UACA: variants seen among roughly 807,000 people sequenced by gnomAD.
UACA encodes the protein nuclear membrane binding protein.
In UACA, 112 loss-of-function variants were observed where a neutral mutation model predicts 160.5. That is an observed-to-expected ratio of 0.70 (90% CI 0.60 to 0.82). UACA has a LOEUF of 0.82. Ranked by LOEUF, UACA falls within the 40% of genes least tolerant of loss-of-function variation. UACA has a pLI of 0.00. For synonymous variants in UACA, 557 were observed against 568.4 expected (o/e 0.98, Z 0.29); for missense variants, 1,574 against 1,614.6 (o/e 0.97, Z 0.43).
At chr15:70,710,029 T>G (rs1898635813) in intron 1 of UACA, among the ~76,000 whole-genome samples, 1 of 152,082 alleles carries the variant, frequency 6.6e-6, no homozygotes, top group Non-Finnish European at 1.5e-5. Flanking sequence ...ACCCCAGCAC[T>G]TTGGGATCAC....
chr15:70,663,665 T>C (rs1896798789), intron 17 of UACA, among the ~76,000 whole-genome samples: 1 of 152,040 alleles, frequency 6.6e-6, no homozygotes, highest in Non-Finnish European at 1.5e-5. Flanking sequence ...GTGGCACATA[T>C]ACACCATGGA....
intron 1 of UACA, among the ~76,000 whole-genome samples, chr15:70,706,306 C>G (rs964244595): frequency 6.6e-6 from 1 of 151,668 alleles, no homozygotes; most frequent in Non-Finnish European, 1.5e-5. Flanking sequence ...TATGAAAAGC[C>G]CACTGCTAAC....
intron 1 of UACA, among the ~76,000 whole-genome samples, chr15:70,722,705 C>T (rs1341874179): frequency 1.3e-5 from 2 of 152,150 alleles, no homozygotes; most frequent in Non-Finnish European, 2.9e-5. Flanking sequence ...ACATACTATA[C>T]ACATATTCCA....
Position 70,763,473 on chromosome 15 carries a change from G to C in UACA, c.-66C>G, listed in dbSNP as rs1229531038. ...GCGGAGTGCCAGCGCGCAAGGAGTA[G>C]ACGGCAGCGGCTGCAGCAGAGGCGG... On this transcript the variant is annotated 5_prime_UTR_variant, in exon 1 of 19. Transcript: ENST00000322954. The C allele has an allele frequency of 7.9e-7, 1 of 1,265,742 alleles. No individual in the cohort carries two copies. Among genetic ancestry groups the C allele is most frequent in the African/African-American group, 1.5e-5 (1 of 64,594 alleles). 78.4% of individuals were successfully genotyped at this position (1,265,742 alleles called of 1,614,324 possible).
chr15:70,749,698 C>CAAAAAAAAAAAAAAAA (rs11292883), intron 1 of UACA, among the ~76,000 whole-genome samples: 3 of 70,046 alleles, frequency 4.3e-5, no homozygotes, highest in African/African-American at 1.6e-4. Context: ...GACTCCGTCT[C>CAAAAAAAAAAAAAAAA]AAAAAAAAAA....
At chr15:70,767,239 C>CAAAAAAAAAAAAAA (rs747903027), upstream of UACA, among the ~76,000 whole-genome samples, 1 of 46,528 alleles carries the variant, frequency 2.1e-5, no homozygotes, top group African/African-American at 9.7e-5. Flanking sequence ...GACTCCATCT[C>CAAAAAAAAAAAAAA]AAAAAAAAAA....
rs779348840 is a variant in UACA, at chr15:70,668,242, T to C, written c.2442A>G (p.Ile814Met). Residue 814 changes from isoleucine to methionine, a missense_variant, in exon 16 of 19, where the codon ATA becomes ATG. Coordinates refer to ENST00000322954, the MANE Select transcript of UACA (RefSeq NM_018003.4). ...GTTCAACAATATTGGATTTCAGAGCTATTATCTCTTTTTCATGTTTCTCAG... is the reference window on the plus strand; with the variant it reads ...GTTCAACAATATTGGATTTCAGAGCCATTATCTCTTTTTCATGTTTCTCAG... ...VPPEKHEKEI[I>M]ALKSNIVELK... 32 of 1,613,368 alleles carry C rather than the reference T, an allele frequency of 2.0e-5. No homozygotes were observed. The highest frequency in any genetic ancestry group is 1.6e-4 in the Middle Eastern group (1 of 6,076).
intron 1 of UACA, among the ~76,000 whole-genome samples, chr15:70,755,676 TAAAAA>T (rs569011645): frequency 7.1e-6 from 1 of 141,216 alleles, no homozygotes; most frequent in African/African-American, 2.6e-5. Context: ...TTCTCAAAAA[TAAAAA>T]AAAAAAAGAA....
At chr15:70,764,200 G>T (rs1382369825), upstream of UACA, among the ~76,000 whole-genome samples, 1 of 152,180 alleles carries the variant, frequency 6.6e-6, no homozygotes, top group Non-Finnish European at 1.5e-5. Flanking sequence ...GAAGCAAAGG[G>T]ACGGAATGGG....
the UACA span, among the ~76,000 whole-genome samples, chr15:70,776,923 G>A: frequency 1.3e-5 from 2 of 152,180 alleles, no homozygotes; most frequent in Non-Finnish European, 2.9e-5. Flanking sequence ...GTAAGAGAGG[G>A]AGGAAATGAC....
intron 1 of UACA, among the ~76,000 whole-genome samples, chr15:70,714,931 G>C (rs78861500): frequency 0.027 from 4,138 of 152,252 alleles, 215 homozygotes; most frequent in African/African-American, 0.094. Context: ...CCTTCCTCAA[G>C]AGGAGATGCA....
At chr15:70,661,922 C>T (rs1400101288) in intron 17 of UACA, among the ~76,000 whole-genome samples, 1 of 152,330 alleles carries the variant, frequency 6.6e-6, no homozygotes, top group Non-Finnish European at 1.5e-5. Context: ...TGGGCAAAAA[C>T]TGGAAGCATT....
intron 17 of UACA, chr15:70,661,665 G>C (rs1454228636): frequency 6.6e-6 from 1 of 152,142 alleles, no homozygotes; most frequent in Admixed American, 6.5e-5. Context: ...ATGTGTATTA[G>C]TGCATAATTA....
rs149706897 is a variant in UACA, at chr15:70,717,162, G to A, written c.79-17502C>T. Reference sequence around the variant, plus strand: ...CTTGAACCCAGGAGGCGGAGGTTGCGGTGAGCCGAGATCACACTATTGCAC... The same window carrying A: ...CTTGAACCCAGGAGGCGGAGGTTGCAGTGAGCCGAGATCACACTATTGCAC... On this transcript the variant is annotated intron_variant, in intron 1 of 18. Coordinates refer to ENST00000322954, the MANE Select transcript of UACA (RefSeq NM_018003.4). Among the ~76,000 whole-genome samples the A allele has an allele frequency of 3.7e-4, 56 of 151,896 alleles. 3 individuals are homozygous for A. The East Asian group carries it at 9.5e-3, about 26-fold the overall frequency.
chr15:70,722,231 T>C (rs935159204), intron 1 of UACA, among the ~76,000 whole-genome samples: 5 of 151,650 alleles, frequency 3.3e-5, no homozygotes, highest in Non-Finnish European at 5.9e-5. Context: ...CAATAACATA[T>C]AGTAGAAAAA....
intron 17 of UACA, 61 bp downstream of exon 17, chr15:70,664,601 C>T (rs978606132): frequency 1.3e-6 from 2 of 1,527,176 alleles, no homozygotes; most frequent in East Asian, 2.3e-5. Flanking sequence ...ATGAGCCTTA[C>T]AAACTAACTA....
At chr15:70,736,555 C>A (rs1168982972) in intron 1 of UACA, among the ~76,000 whole-genome samples, 3 of 152,104 alleles carry the variant, frequency 2.0e-5, no homozygotes, top group Non-Finnish European at 4.4e-5. Flanking sequence ...CTGCCTCAGC[C>A]TCCCGAATAG....
In UACA at chr15:70,691,356, A is replaced by G; in HGVS notation, c.309T>C (p.Asn103=). The G allele has an allele frequency of 6.2e-7, 1 of 1,606,246 alleles. No individual in the cohort carries two copies. The highest frequency in any genetic ancestry group is 8.5e-7 in the Non-Finnish European group (1 of 1,175,492). The part of the protein sequence containing the change: ...DITTSDTAGR[N]ALHLAAKYGH... Reference sequence around the variant, plus strand: ...CATACTTAGCAGCCAGGTGAAGAGCATTTCTCCCTATAAATAATTTAAGAT... The same window carrying G: ...CATACTTAGCAGCCAGGTGAAGAGCGTTTCTCCCTATAAATAATTTAAGAT... Residue 103 remains asparagine (N), a synonymous_variant, in exon 4 of 19, where the codon AAT becomes AAC. Transcript: ENST00000322954.
the UACA span, among the ~76,000 whole-genome samples, chr15:70,770,490 G>A: frequency 6.6e-6 from 1 of 152,130 alleles, no homozygotes; most frequent in South Asian, 2.1e-4. Context: ...ATGAATCAGT[G>A]TATACTTTCC....
Sources: allele counts gnomAD v4.1 joint callset (sites outside exome capture counted in the v4.1 genomes callset), GRCh38; gene constraint gnomAD v4.1.1; transcripts MANE v1.5; gene names NCBI Gene and HGNC (gene_info 2026-07-23, HGNC 2026-07-21).